Variants in VPS13B observed in about 807,000 individuals in gnomAD.
VPS13B encodes the protein intermembrane lipid transfer protein VPS13B.
In VPS13B, 285 loss-of-function variants were observed where a neutral mutation model predicts 426.4. The observed-to-expected ratio is 0.67, with a 90% CI of 0.61 to 0.74. VPS13B has a LOEUF of 0.74. VPS13B is among the 30% of genes least tolerant of loss of function. The pLI is 0.00. For missense variants in VPS13B, 4,537 were observed against 4,782.6 expected, an observed-to-expected ratio of 0.95 and a Z score of 1.51; for synonymous variants, 1,676 against 1,676.4, an observed-to-expected ratio of 1.00 and a Z score of 0.01.
At chr8:99,382,483 C>A (rs1248987395) in intron 19 of VPS13B, among the ~76,000 whole-genome samples, 1 of 151,808 alleles carries the variant, frequency 6.6e-6, no homozygotes, top group Non-Finnish European at 1.5e-5. Context: ...CCATTTGTTT[C>A]TGTCATCTCT....
chr8:99,393,432 CAT>C (rs1814555172), intron 21 of VPS13B, among the ~76,000 whole-genome samples: 1 of 151,932 alleles, frequency 6.6e-6, no homozygotes, highest in Non-Finnish European at 1.5e-5. Context: ...AATATGAAAA[CAT>C]AAACAACACA....
chr8:99,311,940 C>G (rs186889348), intron 19 of VPS13B, among the ~76,000 whole-genome samples: 5 of 152,100 alleles, frequency 3.3e-5, no homozygotes, highest in African/African-American at 9.6e-5. Context: ...TTCTTTGTCT[C>G]GATTTTGATC....
chr8:99,744,598 A>G (rs1165794693), intron 39 of VPS13B, among the ~76,000 whole-genome samples: 1 of 152,220 alleles, frequency 6.6e-6, no homozygotes, highest in Non-Finnish European at 1.5e-5. Context: ...AGACTGGATT[A>G]AGAAAATGTG....
intron 36 of VPS13B, among the ~76,000 whole-genome samples, chr8:99,708,015 T>A (rs146794218): frequency 1.4e-4 from 21 of 152,280 alleles, no homozygotes; most frequent in East Asian, 3.9e-4. Flanking sequence ...TTAACTTTTT[T>A]AAAAAAATTG....
intron 43 of VPS13B, among the ~76,000 whole-genome samples, chr8:99,788,321 A>G (rs1812370394): frequency 6.7e-6 from 1 of 150,298 alleles, no homozygotes; most frequent in African/African-American, 2.4e-5. Flanking sequence ...AGGCTGAGGC[A>G]GGAGGATTAC....
At chr8:99,394,037 A>G (rs946134501) in intron 21 of VPS13B, among the ~76,000 whole-genome samples, 2 of 151,958 alleles carry the variant, frequency 1.3e-5, no homozygotes, top group Admixed American at 1.3e-4. Context: ...ACATCTGCCT[A>G]CCTTTTTTGG....
chr8:99,822,409 A>G (rs985540916), intron 50 of VPS13B, among the ~76,000 whole-genome samples: 1 of 152,242 alleles, frequency 6.6e-6, no homozygotes, highest in Non-Finnish European at 1.5e-5. Context: ...TCTGGGCAAC[A>G]CATGTTTATG....
chr8:99,066,029 A>G (rs960577934), intron 3 of VPS13B, among the ~76,000 whole-genome samples: 3 of 152,250 alleles, frequency 2.0e-5, no homozygotes, highest in Admixed American at 2.0e-4. Flanking sequence ...AGAACATTCC[A>G]TGCTCATGGA....
At chr8:99,587,842 T>A (rs889498398) in intron 33 of VPS13B, among the ~76,000 whole-genome samples, 6 of 151,758 alleles carry the variant, frequency 4.0e-5, no homozygotes, top group Non-Finnish European at 7.4e-5. Flanking sequence ...CCCATTTGTC[T>A]ATTCTGGCTT....
chr8:99,141,776 G>A (rs897275409), intron 12 of VPS13B, among the ~76,000 whole-genome samples: 14 of 151,688 alleles, frequency 9.2e-5, no homozygotes, highest in African/African-American at 3.4e-4. Flanking sequence ...CAGGCGTGGT[G>A]GCTCACTCCT....
chr8:99,386,449 A>G (rs569811751), intron 20 of VPS13B, among the ~76,000 whole-genome samples: 21 of 152,280 alleles, frequency 1.4e-4, no homozygotes, highest in African/African-American at 2.4e-4. Flanking sequence ...GCTATAATCC[A>G]TCTCTGGTAT....
At chr8:99,640,175 T>C (rs1829299805) in intron 33 of VPS13B, among the ~76,000 whole-genome samples, 1 of 152,082 alleles carries the variant, frequency 6.6e-6, no homozygotes, top group Non-Finnish European at 1.5e-5. Flanking sequence ...GATAGTAATG[T>C]AACTTAGTGC....
chr8:99,399,859 A>AT (rs1814939836), intron 21 of VPS13B, among the ~76,000 whole-genome samples: 1 of 152,096 alleles, frequency 6.6e-6, no homozygotes, highest in Admixed American at 6.5e-5. Flanking sequence ...GGGTTTATCT[A>AT]TTTTTATTTT....
chr8:99,559,280 A>G (rs1203331356), intron 31 of VPS13B, among the ~76,000 whole-genome samples: 2 of 152,076 alleles, frequency 1.3e-5, no homozygotes, highest in East Asian at 1.9e-4. Context: ...AAATTTGTTT[A>G]AGTTCTTTGT....
At chr8:99,398,717 C>G (rs1814872912) in intron 21 of VPS13B, among the ~76,000 whole-genome samples, 1 of 152,102 alleles carries the variant, frequency 6.6e-6, no homozygotes, top group African/African-American at 2.4e-5. Flanking sequence ...AAAATCATTT[C>G]TTCTTTAAGA....
chr8:99,810,902 G>A (rs779006346), intron 44 of VPS13B, among the ~76,000 whole-genome samples: 20 of 152,162 alleles, frequency 1.3e-4, no homozygotes, highest in Non-Finnish European at 2.5e-4. Context: ...GGACAAATGA[G>A]TCTTACTGAA....
At chr8:99,801,918 G>T (rs551472768) in intron 43 of VPS13B, among the ~76,000 whole-genome samples, 1 of 152,286 alleles carries the variant, frequency 6.6e-6, no homozygotes, top group South Asian at 2.1e-4. Context: ...GGGAGGCAAA[G>T]GTGGGCAGAT....
intron 21 of VPS13B, among the ~76,000 whole-genome samples, chr8:99,400,763 C>T (rs959352967): frequency 1.3e-5 from 2 of 152,116 alleles, no homozygotes; most frequent in African/African-American, 2.4e-5. Context: ...CTCCACATCC[C>T]GAGTTCAAGC....
intron 21 of VPS13B, among the ~76,000 whole-genome samples, chr8:99,399,715 G>C (rs2133332106): frequency 6.6e-6 from 1 of 152,186 alleles, no homozygotes; most frequent in East Asian, 1.9e-4. Context: ...GAAAACTCCT[G>C]AAGTGAATCA....
Sources: gnomAD v4.1 joint callset for allele counts (sites outside exome capture counted in the v4.1 genomes callset) on GRCh38, gnomAD v4.1.1 for gene constraint, MANE v1.5 for transcripts, NCBI Gene and HGNC (gene_info 2026-07-23, HGNC 2026-07-21) for gene names.